PKIB: variants seen among roughly 807,000 people sequenced by gnomAD.
PKIB encodes the protein PKI-beta.
A neutral mutation model predicts 4.5 loss-of-function variants in PKIB; 2 were observed. The ratio of observed to expected loss-of-function variants is 0.44; its 90% CI spans 0.18 to 1.39. The LOEUF is 1.39. PKIB is among the 40% of genes most tolerant of loss of function. PKIB has a pLI of 0.27. For synonymous variants in PKIB, 38 were observed against 36.0 expected, an observed-to-expected ratio of 1.06 and a Z score of -0.20; for missense variants, 94 against 92.6, an observed-to-expected ratio of 1.02 and a Z score of -0.06.
intron 1 of PKIB, among the ~76,000 whole-genome samples, chr6:122,631,890 T>C (rs1295837832): frequency 1.3e-5 from 2 of 152,178 alleles, no homozygotes; most frequent in African/African-American, 2.4e-5. Flanking sequence ...ATGTTGACAT[T>C]TGGGGAAAAA....
chr6:122,494,462 A>G (rs1776023357), intron 2 of PKIB, among the ~76,000 whole-genome samples: 1 of 152,234 alleles, frequency 6.6e-6, no homozygotes, highest in South Asian at 2.1e-4. Flanking sequence ...GGTTTAAAAC[A>G]TGAGACAGTT....
chr6:122,549,359 A>G lies in PKIB; in HGVS notation c.-247-36562A>G, dbSNP rs188417471. 5.9e-5 allele frequency among the ~76,000 whole-genome samples: 9 copies of G among 152,254 alleles called. No homozygotes were observed. The East Asian group carries it at 1.2e-3, about 20-fold the overall frequency. On this transcript the variant is annotated intron_variant, in intron 2 of 6. Transcript: ENST00000392491. ...TTTTTTCCAAGAAATTTTTCCTCTT[A>G]TATTTCTTTTAGACAATTGAATTTC...
At chr6:122,641,565 GGTGAT>G (rs1776122605) in intron 2 of PKIB, among the ~76,000 whole-genome samples, 1 of 152,142 alleles carries the variant, frequency 6.6e-6, no homozygotes, top group Non-Finnish European at 1.5e-5. Flanking sequence ...AGCTTCGAGA[GGTGAT>G]GTGACTTTCT....
intron 2 of PKIB, among the ~76,000 whole-genome samples, chr6:122,568,924 T>C (rs1290342113): frequency 1.3e-5 from 2 of 152,160 alleles, no homozygotes; most frequent in East Asian, 3.9e-4. Context: ...AACCCAGTGC[T>C]GTTAGTGGAG....
At chr6:122,587,733 A>T (rs2114719332) in intron 3 of PKIB, among the ~76,000 whole-genome samples, 1 of 152,264 alleles carries the variant, frequency 6.6e-6, no homozygotes, top group East Asian at 1.9e-4. Flanking sequence ...CTGGTGTGAG[A>T]TGGTACCTCA....
intron 2 of PKIB, among the ~76,000 whole-genome samples, chr6:122,582,543 C>T (rs1252427054): frequency 2.6e-5 from 4 of 152,060 alleles, no homozygotes. Context: ...ATAAACATGT[C>T]CCTCAAAGAG....
At chr6:122,602,440 G>T (rs1201044903) in intron 3 of PKIB, among the ~76,000 whole-genome samples, 1 of 152,226 alleles carries the variant, frequency 6.6e-6, no homozygotes, top group Non-Finnish European at 1.5e-5. Flanking sequence ...TCTGAGAAAT[G>T]TTGATGCCAG....
chr6:122,543,624 C>T, intron 2 of PKIB, among the ~76,000 whole-genome samples: 1 of 151,894 alleles, frequency 6.6e-6, no homozygotes, highest in East Asian at 1.9e-4. Context: ...ACATAATCTA[C>T]CCACCTCAGT....
intron 2 of PKIB, among the ~76,000 whole-genome samples, chr6:122,498,261 G>A (rs1158315183): frequency 1.3e-5 from 2 of 152,184 alleles, no homozygotes; most frequent in Admixed American, 1.3e-4. Flanking sequence ...ATATGGTGGT[G>A]GACAAGGGAA....
chr6:122,663,007 C>T (rs947702742), intron 2 of PKIB, among the ~76,000 whole-genome samples: 1 of 152,066 alleles, frequency 6.6e-6, no homozygotes, highest in Admixed American at 6.5e-5. Flanking sequence ...TCTTCGTTTC[C>T]TTGCTTTGAA....
At chr6:122,523,195 T>C (rs1776995678) in intron 2 of PKIB, among the ~76,000 whole-genome samples, 2 of 152,184 alleles carry the variant, frequency 1.3e-5, no homozygotes, top group Middle Eastern at 3.2e-3. Flanking sequence ...AAAATTATTA[T>C]TATTATGAGA....
intron 3 of PKIB, among the ~76,000 whole-genome samples, chr6:122,699,281 T>TAAGAAA (rs1778699852): frequency 6.6e-6 from 1 of 150,454 alleles, no homozygotes; most frequent in Non-Finnish European, 1.5e-5. Context: ...ATTTGTGAAC[T>TAAGAAA]AAAATATATA....
At position 122,568,192 on chromosome 6, in the gene PKIB, T is replaced by G. The variant is rs138827164; in HGVS notation, c.-247-17729T>G. On this transcript the variant is annotated intron_variant, in intron 2 of 6. Coordinates refer to the PKIB transcript ENST00000392491. The stretch of plus-strand genomic sequence containing the variant: ...ATATGATGAAAAGAAGCAAATTTAA[T>G]TTAAAGTAAAAAAATTACTGACAAT... Among the ~76,000 whole-genome samples the G allele has an allele frequency of 8.7e-3, 1,317 of 152,242 alleles. 12 individuals carry two copies. Among genetic ancestry groups the G allele is most frequent in the Non-Finnish European group, 0.014 (957 of 68,022 alleles).
At chr6:122,614,409 C>G (rs1033182379) in intron 1 of PKIB, among the ~76,000 whole-genome samples, 1 of 152,176 alleles carries the variant, frequency 6.6e-6, no homozygotes, top group Non-Finnish European at 1.5e-5. Context: ...AGCTGGATTC[C>G]TTCCTGTACC....
intron 2 of PKIB, among the ~76,000 whole-genome samples, chr6:122,521,429 T>G: frequency 6.6e-6 from 1 of 152,194 alleles, no homozygotes; most frequent in Admixed American, 6.5e-5. Context: ...ACCTGTAATC[T>G]TAGCACTTTG....
intron 2 of PKIB, among the ~76,000 whole-genome samples, chr6:122,665,732 C>G (rs1304327962): frequency 6.6e-6 from 1 of 152,050 alleles, no homozygotes; most frequent in African/African-American, 2.4e-5. Context: ...TTGAAATTTT[C>G]ATAGATATTT....
intron 3 of PKIB, among the ~76,000 whole-genome samples, chr6:122,597,391 G>A (rs1308680845): frequency 6.6e-6 from 1 of 152,210 alleles, no homozygotes; most frequent in Non-Finnish European, 1.5e-5. Context: ...CAGGAATGGA[G>A]AAAAAGGGAT....
intron 2 of PKIB, among the ~76,000 whole-genome samples, chr6:122,578,855 A>G (rs1030967935): frequency 6.6e-6 from 1 of 152,238 alleles, no homozygotes; most frequent in East Asian, 1.9e-4. Flanking sequence ...TGTTGTTCTC[A>G]TGATAGTAAG....
intron 3 of PKIB, among the ~76,000 whole-genome samples, chr6:122,677,651 A>G (rs931330732): frequency 2.6e-5 from 4 of 152,178 alleles, no homozygotes; most frequent in African/African-American, 9.7e-5. Context: ...ACTGTTGGAG[A>G]TGATCTAGTT....
Sources: allele counts gnomAD v4.1 joint callset (sites outside exome capture counted in the v4.1 genomes callset), GRCh38; gene constraint gnomAD v4.1.1; transcripts MANE v1.5; gene names NCBI Gene and HGNC (gene_info 2026-07-23, HGNC 2026-07-21).